The following UIMC1 variants were observed in gnomAD, a reference collection of about 807,000 sequenced individuals.
UIMC1 encodes the protein BRCA1-A complex subunit RAP80.
UIMC1 carries 42 observed loss-of-function variants against 84.9 expected under a neutral mutation model. The observed-to-expected ratio is 0.49, with a 90% CI of 0.39 to 0.64. The LOEUF (loss-of-function observed/expected upper bound fraction) is 0.64, where lower values mean the gene tolerates loss of function less well. Among genes scored for constraint, UIMC1 ranks in the 30% least tolerant of loss-of-function variants. The pLI, the probability that UIMC1 is intolerant of heterozygous loss-of-function variation, is 0.00. For synonymous variants in UIMC1, 281 were observed against 293.0 expected (o/e 0.96, Z 0.42); for missense variants, 825 against 847.6 (o/e 0.97, Z 0.33).
At chr5:176,982,161 T>C (rs1291984877) in intron 2 of UIMC1, among the ~76,000 whole-genome samples, 3 of 152,212 alleles carry the variant, frequency 2.0e-5, no homozygotes, top group Admixed American at 6.5e-5. Flanking sequence ...GTGTTTTTCC[T>C]CTCACTTTCT....
At chr5:177,020,786 A>C (rs1775777175) in intron 1 of UIMC1, among the ~76,000 whole-genome samples, 1 of 152,194 alleles carries the variant, frequency 6.6e-6, no homozygotes, top group South Asian at 2.1e-4. Flanking sequence ...ACTTTACTAC[A>C]GCTTCCCTGT....
intron 9 of UIMC1, among the ~76,000 whole-genome samples, chr5:176,945,662 G>A (rs1269745437): frequency 6.6e-6 from 1 of 152,190 alleles, no homozygotes; most frequent in Admixed American, 6.5e-5. Flanking sequence ...AGACGCATGG[G>A]TGGGCGCCTG....
chr5:176,948,937 C>T (rs1384868655), intron 9 of UIMC1, among the ~76,000 whole-genome samples: 1 of 152,078 alleles, frequency 6.6e-6, no homozygotes, highest in Non-Finnish European at 1.5e-5. Flanking sequence ...TAATAAGTGA[C>T]TTGTAACTAG....
At chr5:176,986,557 AG>A (rs201155746) in intron 1 of UIMC1, among the ~76,000 whole-genome samples, 7 of 147,640 alleles carry the variant, frequency 4.7e-5, no homozygotes, top group African/African-American at 1.7e-4. Flanking sequence ...AAAAAAAAAA[AG>A]GCTGGGCACA....
At position 176,943,477 on chromosome 5, in the gene UIMC1, C is replaced by G. The variant is rs1365342286; in HGVS notation, c.1455G>C (p.Lys485Asn). 4.3e-6 allele frequency: 7 copies of G among 1,613,798 alleles called. No individual in the cohort carries two copies. The highest frequency in any genetic ancestry group is 5.9e-6 in the Non-Finnish European group (7 of 1,179,916). The change falls in exon 10 of 15, where the codon AAG (lysine) becomes AAC (asparagine). Residue 485 changes from lysine (K) to asparagine (N), a missense_variant. Transcript: ENST00000511320. ...TAGCTACTTCCTTCTCAGCATCTTC[C>G]TTGTTACCAACCTGAAGAACATGAC... Reference protein sequence around the residue: ...IIMADKEVGNKEDAEKEVAIS... With the variant: ...IIMADKEVGNNEDAEKEVAIS...
chr5:176,932,273 T>A (rs1763185259), intron 10 of UIMC1, among the ~76,000 whole-genome samples: 2 of 152,298 alleles, frequency 1.3e-5, no homozygotes, highest in Non-Finnish European at 2.9e-5. Flanking sequence ...TTCCAAAACA[T>A]CCTTCCTTAA....
At chr5:176,906,998 G>T in intron 13 of UIMC1, 116 bp downstream of exon 13, 2 of 1,020,138 alleles carry the variant, frequency 2.0e-6, no homozygotes, top group Non-Finnish European at 2.9e-6. Context: ...AAGGCTGGCT[G>T]ACTGGATCAC....
chr5:176,990,148 T>A (rs1405191464), intron 1 of UIMC1, among the ~76,000 whole-genome samples: 3 of 150,256 alleles, frequency 2.0e-5, no homozygotes, highest in Non-Finnish European at 4.4e-5. Context: ...GCCACTGCAC[T>A]CCAGCCTGGG....
At chr5:176,982,806 C>T (rs1168332043) in intron 1 of UIMC1, among the ~76,000 whole-genome samples, 183 bp from the exon 2 acceptor site, 6 of 152,166 alleles carry the variant, frequency 3.9e-5, no homozygotes, top group Non-Finnish European at 8.8e-5. Flanking sequence ...TTCAAGCAAT[C>T]CTCCTGCCTC....
At chr5:176,929,833 AAAGAT>A (rs1362524040) in intron 10 of UIMC1, among the ~76,000 whole-genome samples, 5 of 152,218 alleles carry the variant, frequency 3.3e-5, no homozygotes, top group African/African-American at 4.8e-5. Flanking sequence ...ATCAGGTGAC[AAAGAT>A]AAGGATCTAG....
At chr5:176,932,352 C>A (rs1763197289) in intron 10 of UIMC1, among the ~76,000 whole-genome samples, 2 of 152,260 alleles carry the variant, frequency 1.3e-5, no homozygotes, top group South Asian at 4.1e-4. Context: ...AATATTCCCA[C>A]AGCAAGGAAA....
At chr5:176,996,767 G>A (rs1319325069) in intron 1 of UIMC1, among the ~76,000 whole-genome samples, 1 of 152,138 alleles carries the variant, frequency 6.6e-6, no homozygotes, top group Non-Finnish European at 1.5e-5. Flanking sequence ...AACAGCTGAA[G>A]GGAACAGATG....
chr5:176,927,532 G>A (rs1259895541), intron 10 of UIMC1, among the ~76,000 whole-genome samples: 3 of 151,972 alleles, frequency 2.0e-5, no homozygotes, highest in Admixed American at 6.6e-5. Context: ...GGGATTACAG[G>A]CATGAGCCAC....
chr5:177,014,921 T>C (rs527273735), intron 1 of UIMC1, among the ~76,000 whole-genome samples: 2 of 152,126 alleles, frequency 1.3e-5, no homozygotes, highest in East Asian at 1.9e-4. Context: ...CAAGAAGCCA[T>C]TGAAGTACTG....
chr5:177,001,662 G>A (rs924199889), intron 1 of UIMC1, among the ~76,000 whole-genome samples: 3 of 152,058 alleles, frequency 2.0e-5, no homozygotes, highest in African/African-American at 7.2e-5. Context: ...CTGAGGGCCA[G>A]GTGCAGTGGC....
chr5:177,013,801 T>C (rs1461128954), intron 1 of UIMC1, among the ~76,000 whole-genome samples: 3 of 152,106 alleles, frequency 2.0e-5, no homozygotes, highest in Non-Finnish European at 4.4e-5. Flanking sequence ...GTTTCAAGAG[T>C]ACCTTCCCAG....
intron 1 of UIMC1, among the ~76,000 whole-genome samples, chr5:176,987,749 AG>A (rs1324706488): frequency 6.6e-6 from 1 of 151,976 alleles, no homozygotes; most frequent in African/African-American, 2.4e-5. Context: ...ACCTAAGCCC[AG>A]GAGGTTGAGG....
At chr5:176,952,485 A>G (rs1330482332) in intron 8 of UIMC1, among the ~76,000 whole-genome samples, 4 of 152,096 alleles carry the variant, frequency 2.6e-5, no homozygotes, top group Non-Finnish European at 1.5e-5. Flanking sequence ...TCAGCTGCCT[A>G]TTTTTCTAAG....
intron 1 of UIMC1, among the ~76,000 whole-genome samples, chr5:176,999,653 G>A (rs573489112): frequency 6.6e-6 from 1 of 152,060 alleles, no homozygotes; most frequent in South Asian, 2.1e-4. Context: ...AACATGCAAT[G>A]TTTGTCTTTC....
Sources: allele counts gnomAD v4.1 joint callset (sites outside exome capture counted in the v4.1 genomes callset), GRCh38; gene constraint gnomAD v4.1.1; transcripts MANE v1.5; gene names NCBI Gene and HGNC (gene_info 2026-07-23, HGNC 2026-07-21).